NKTR: variants seen among roughly 807,000 people sequenced by gnomAD.
The protein encoded by NKTR is NK-tumor recognition protein.
NKTR carries 67 observed loss-of-function variants against 156.3 expected under a neutral mutation model. The observed-to-expected ratio is 0.43, with a 90% CI of 0.35 to 0.53. The LOEUF (loss-of-function observed/expected upper bound fraction) is 0.53. Among genes scored for constraint, NKTR ranks in the 20% least tolerant of loss-of-function variants. The pLI, the probability that NKTR is intolerant of heterozygous loss-of-function variation, is 0.01. For synonymous variants in NKTR, 640 were observed against 596.6 expected, an observed-to-expected ratio of 1.07 and a Z score of -1.06; for missense variants, 1,604 against 1,730.9, an observed-to-expected ratio of 0.93 and a Z score of 1.30.
chr3:42,632,550 AAGGT>A lies in NKTR; in HGVS notation c.551-47_551-44del, dbSNP rs368276448. 1.0e-3 allele frequency: 1,119 copies of A among 1,116,700 alleles called. 6 individuals are homozygous for A. The African/African-American group carries it at 0.016, about 16-fold the overall frequency. 69.2% of individuals were successfully genotyped at this position (1,116,700 alleles called of 1,614,324 possible). On this transcript the variant is annotated intron_variant, in intron 8 of 16. Transcript: ENST00000232978. ...TCAGTAATCACATTTTTTACTCTGA[AAGGT>A]AGGCACTGAATTTAGTACTAATGTT...
chr3:42,622,012 A>G (rs1189883060), intron 6 of NKTR, among the ~76,000 whole-genome samples: 3 of 152,008 alleles, frequency 2.0e-5, no homozygotes, highest in Non-Finnish European at 4.4e-5. Flanking sequence ...GTATAGAGAT[A>G]GGTGACCTGC....
intron 6 of NKTR, among the ~76,000 whole-genome samples, chr3:42,624,226 G>C (rs1034961233): frequency 6.7e-5 from 10 of 150,212 alleles, no homozygotes; most frequent in Non-Finnish European, 1.5e-4. Flanking sequence ...TACTGTATTT[G>C]TCATAATGAT....
At chr3:42,644,477 C>T (rs1418986837) in intron 16 of NKTR, among the ~76,000 whole-genome samples, 1 of 152,106 alleles carries the variant, frequency 6.6e-6, no homozygotes, top group Non-Finnish European at 1.5e-5. Flanking sequence ...CATATTTTGG[C>T]TTCTGCAAAA....
chr3:42,615,867 T>G (rs1158504085), intron 2 of NKTR, among the ~76,000 whole-genome samples: 3 of 150,916 alleles, frequency 2.0e-5, no homozygotes, highest in Admixed American at 1.3e-4. Context: ...ATTATAGGGT[T>G]TTTTTTTAAT....
In NKTR at chr3:42,639,423, C is replaced by T. The variant is rs772702094; in HGVS notation, c.3719C>T (p.Ala1240Val). ...GTGGGGAACCTGGCAGCACCTAATGCTGCCACATCCAGTGCTGTGGAAGTT... is the reference window on the plus strand; with the variant it reads ...GTGGGGAACCTGGCAGCACCTAATGTTGCCACATCCAGTGCTGTGGAAGTT... ...QGVGNLAAPN[A>V]ATSSAVEVKV... Residue 1240 changes from alanine (A) to valine (V), a missense_variant, in exon 13 of 17, where the codon GCT becomes GTT. This residue lies in a region of NKTR where 1,255 missense variants were observed against 1,243.7 expected (regional missense o/e 1.01). Transcript: ENST00000232978. The T allele has an allele frequency of 3.1e-6, 5 of 1,614,106 alleles. No homozygotes were observed. The highest frequency in any genetic ancestry group is 2.2e-5 in the South Asian group (2 of 91,086).
rs1376547595 is a variant in NKTR, at chr3:42,637,833, G to A, written c.2129G>A (p.Arg710His). Residue 710 changes from arginine to histidine, a missense_variant, in exon 13 of 17, where the codon CGT becomes CAT. Around this residue, in one of 6 missense-constraint regions of NKTR, gnomAD observed 1,255 missense variants for 1,243.7 expected, o/e 1.01. Coordinates refer to ENST00000232978, the MANE Select transcript of NKTR (RefSeq NM_005385.4). Reference protein sequence around the residue: ...RSYSRSYTRSRSLASSHSRSR... With the variant: ...RSYSRSYTRSHSLASSHSRSR... The stretch of plus-strand genomic sequence containing the variant: ...TATTCCAGATCATATACAAGATCAC[G>A]TAGTCTAGCTAGTTCACATTCAAGG... 11 of 1,613,786 alleles carry A rather than the reference G, an allele frequency of 6.8e-6. No homozygotes were observed. Among genetic ancestry groups the A allele is most frequent in the East Asian group, 2.2e-5 (1 of 44,878 alleles).
intron 2 of NKTR, among the ~76,000 whole-genome samples, chr3:42,603,577 A>G (rs972499656): frequency 6.6e-6 from 1 of 151,432 alleles, no homozygotes; most frequent in African/African-American, 2.4e-5. Context: ...TGTGATTAGC[A>G]CTCTTGAGAA....
intron 5 of NKTR, chr3:42,620,191 C>G: frequency 7.8e-7 from 1 of 1,282,182 alleles, no homozygotes; most frequent in East Asian, 3.0e-5. Flanking sequence ...TTCATACATG[C>G]TTCTGTATCT....
intron 2 of NKTR, among the ~76,000 whole-genome samples, chr3:42,608,032 C>A (rs1706407367): frequency 8.6e-6 from 1 of 115,836 alleles, no homozygotes; most frequent in African/African-American, 3.2e-5. Flanking sequence ...TCTTGTCACC[C>A]AGGCTGGAGT....
chr3:42,643,315 G>A (rs1055486604), intron 14 of NKTR, 24 bp from the exon 15 acceptor site: 2 of 1,605,932 alleles, frequency 1.2e-6, no homozygotes, highest in Admixed American at 1.7e-5. Flanking sequence ...ATAAGATGAT[G>A]GTCCTTCATG....
intron 2 of NKTR, among the ~76,000 whole-genome samples, chr3:42,615,692 A>T (rs551627676): frequency 6.6e-6 from 1 of 152,318 alleles, no homozygotes; most frequent in Admixed American, 6.5e-5. Flanking sequence ...GCCATCTTAC[A>T]GGGATTGCAA....
chr3:42,632,730 AGAG>A lies in NKTR; in HGVS notation c.685_687del (p.Arg229del). 3.1e-6 allele frequency: 5 copies of A among 1,613,586 alleles called. No individual in the cohort carries two copies. Among genetic ancestry groups the A allele is most frequent in the Non-Finnish European group, 4.2e-6 (5 of 1,179,908 alleles). ...GAGAGAAGCAGAAGGAGGAAACATA[AGAG>A]GAGGCCAAAAGTTAAACGTTCTAAA... is the stretch of plus-strand genomic sequence containing the variant. On this transcript the variant is annotated inframe_deletion, in exon 9 of 17. Coordinates refer to ENST00000232978, the MANE Select transcript of NKTR (RefSeq NM_005385.4).
In NKTR at chr3:42,638,045, C is replaced by A; in HGVS notation, c.2341C>A (p.Leu781Ile). ...GCATAGCAGCAGCTCTGAAAAGACA[C>A]TTCACAGTAAATATGTCAAAGGTAG... ...KKHSSSSEKT[L>I]HSKYVKGRDR... is the part of the protein sequence containing the mutation. The change falls in exon 13 of 17, where the codon CTT becomes ATT. Residue 781 changes from leucine (L) to isoleucine (I), a missense_variant. By Grantham distance (5) the Leu-to-Ile change is conservative. Transcript: ENST00000232978. The A allele has an allele frequency of 6.2e-7, 1 of 1,614,162 alleles. No individual in the cohort carries two copies. The highest frequency in any genetic ancestry group is 8.5e-7 in the Non-Finnish European group (1 of 1,180,034).
chr3:42,620,902 G>A (rs116382237), intron 5 of NKTR: 16,493 of 924,880 alleles, frequency 0.018, 168 homozygotes, highest in African/African-American at 0.038. Flanking sequence ...ATACAATTGA[G>A]TATACACATA....
intron 5 of NKTR, chr3:42,620,929 TC>T: frequency 1.1e-6 from 1 of 898,662 alleles, no homozygotes; most frequent in Non-Finnish European, 1.3e-6. Context: ...TTAGATATGT[TC>T]CTGTAACTTA....
In NKTR at chr3:42,639,224, G is replaced by C. The variant is rs1268737490; in HGVS notation, c.3520G>C (p.Glu1174Gln). Residue 1174 changes from glutamate to glutamine, a missense_variant, in exon 13 of 17, where the codon GAG (glutamate) becomes CAG (glutamine). Physicochemically the swap from Glu to Gln is conservative, Grantham distance 29. This residue lies in a region of NKTR where 1,255 missense variants were observed against 1,243.7 expected (regional missense o/e 1.01). Coordinates refer to ENST00000232978, the MANE Select transcript of NKTR (RefSeq NM_005385.4). Reference sequence around the variant, plus strand: ...TATGGCAACGGAACATCCTCAAGCAGAGGTAGTAAAACAGGAAAGCAGCAT... The same window carrying C: ...TATGGCAACGGAACATCCTCAAGCACAGGTAGTAAAACAGGAAAGCAGCAT... ...QDMATEHPQA[E>Q]VVKQESSMSE... The C allele has an allele frequency of 2.5e-6, 4 of 1,614,074 alleles. No homozygotes were observed. In the African/African-American group the frequency reaches 4.0e-5, roughly 16 times the overall value.
chr3:42,607,876 C>A (rs950735894), intron 2 of NKTR, among the ~76,000 whole-genome samples: 3 of 150,624 alleles, frequency 2.0e-5, no homozygotes, highest in Non-Finnish European at 4.4e-5. Flanking sequence ...CACTATCTAC[C>A]TGGAGTTAGT....
chr3:42,646,289 C>T lies in NKTR; in HGVS notation c.*314C>T, dbSNP rs1710343577. 7.7e-6 allele frequency: 2 copies of T among 259,882 alleles called. No homozygotes were observed. Among genetic ancestry groups the T allele is most frequent in the Non-Finnish European group, 7.6e-6 (1 of 131,346 alleles). 16.1% of individuals were successfully genotyped at this position (259,882 alleles called of 1,614,324 possible). A position where few individuals can be genotyped will look rare whatever the true frequency, so the allele number is the denominator to read the frequency against. ...TTTAAGTCTATTTCACTCTATCTTA[C>T]GTATCCCTTAGAATACAGATTCTTT... is the stretch of plus-strand genomic sequence containing the variant. On this transcript the variant is annotated 3_prime_UTR_variant, in exon 17 of 17. Coordinates refer to ENST00000232978, the MANE Select transcript of NKTR (RefSeq NM_005385.4).
At position 42,639,213 on chromosome 3, in the gene NKTR, A is replaced by T. The variant is rs1313416544; in HGVS notation, c.3509A>T (p.His1170Leu). 3.1e-6 allele frequency: 5 copies of T among 1,614,232 alleles called. No individual in the cohort carries two copies. The Admixed American group carries it at 8.3e-5, about 27-fold the overall frequency. Residue 1170 changes from histidine (H) to leucine (L), a missense_variant, in exon 13 of 17, where the codon CAT becomes CTT. Coordinates refer to ENST00000232978, the MANE Select transcript of NKTR (RefSeq NM_005385.4). ...TTGAAGCAGGATATGGCAACGGAAC[A>T]TCCTCAAGCAGAGGTAGTAAAACAG... ...IVLKQDMATEHPQAEVVKQES... is the reference protein window; with the variant it reads ...IVLKQDMATELPQAEVVKQES...
Sources: allele counts gnomAD v4.1 joint callset (sites outside exome capture counted in the v4.1 genomes callset), GRCh38; gene constraint gnomAD v4.1.1; regional missense constraint gnomAD v4.1.1; transcripts MANE v1.5; gene names NCBI Gene and HGNC (gene_info 2026-07-23, HGNC 2026-07-21).